Variants in CARF observed in about 807,000 individuals in gnomAD.
CARF encodes the protein calcium responsive transcription factor.
CARF carries 57 observed loss-of-function variants against 82.0 expected under a neutral mutation model. That is an observed-to-expected ratio of 0.70 (90% CI 0.56 to 0.87). CARF has a LOEUF of 0.87. CARF is among the 40% of genes least tolerant of loss of function. The pLI is 0.00. For synonymous variants in CARF, 268 were observed against 290.1 expected, an observed-to-expected ratio of 0.92 and a Z score of 0.77; for missense variants, 771 against 855.8, an observed-to-expected ratio of 0.90 and a Z score of 1.24.
chr2:202,977,436 C>T, intron 14 of CARF, 104 bp downstream of exon 14: 1 of 847,070 alleles, frequency 1.2e-6, no homozygotes, highest in East Asian at 2.5e-5. Context: ...ATAAGGAAAC[C>T]AGGATCCAAA....
rs2059310972 is a variant in CARF, at chr2:202,961,314, AAC to A, written c.724_725del (p.Gln242GlufsTer28). 1.2e-5 allele frequency: 20 copies of A among 1,614,244 alleles called. No homozygotes were observed. Among genetic ancestry groups the A allele is most frequent in the Non-Finnish European group, 1.7e-5 (20 of 1,180,046 alleles). ...ESVLTFHKQQTQSVWGTRQSP... is the reference protein window; with the variant it reads ...ESVLTFHKQQXQSVWGTRQSP... ...GTGTCCTAACATTTCACAAGCAGCAAACACAGAGTGTTTGGGGGACCCGTCAG... is the reference window on the plus strand; with the variant it reads ...GTGTCCTAACATTTCACAAGCAGCAAACAGAGTGTTTGGGGGACCCGTCAG... On this transcript the variant is annotated frameshift_variant, in exon 9 of 17. Transcript: ENST00000438828. LOFTEE classifies it high-confidence loss of function.
At chr2:202,942,993 T>C in intron 5 of CARF, 26 bp downstream of exon 5, 2 of 1,568,784 alleles carry the variant, frequency 1.3e-6, no homozygotes, top group South Asian at 2.2e-5. Context: ...AAGTAACCAG[T>C]TTTATGCCGT....
chr2:202,952,729 A>G, intron 6 of CARF, 50 bp downstream of exon 6: 1 of 1,547,848 alleles, frequency 6.5e-7, no homozygotes, highest in Admixed American at 1.8e-5. Flanking sequence ...AAAAACATAA[A>G]TATTTTAGAA....
intron 16 of CARF, 91 bp from the exon 17 acceptor site, chr2:202,983,412 CAGA>C (rs758772051): frequency 2.4e-4 from 196 of 800,830 alleles, no homozygotes; most frequent in South Asian, 6.0e-4. Flanking sequence ...AAAGTTTTCA[CAGA>C]AGTTATTTTT....
chr2:202,970,153 ATTTCAT>A (rs2059728096), intron 11 of CARF, 91 bp downstream of exon 11: 2 of 1,202,170 alleles, frequency 1.7e-6, no homozygotes, highest in Admixed American at 5.9e-5. Flanking sequence ...TTTTCCAACT[ATTTCAT>A]TAAGTAACGG....
At chr2:202,968,141 C>G (rs914959228) in intron 10 of CARF, among the ~76,000 whole-genome samples, 5 of 152,116 alleles carry the variant, frequency 3.3e-5, no homozygotes, top group Non-Finnish European at 7.4e-5. Context: ...TGGTGGCTAA[C>G]GCCTGTAATC....
In CARF at chr2:202,986,426, G is replaced by C. The variant is rs2060429447; in HGVS notation, c.*2802G>C. 6.6e-6 allele frequency: 1 copy of C among 152,058 alleles called. No individual in the cohort carries two copies. The highest frequency in any genetic ancestry group is 6.6e-5 in the Admixed American group (1 of 15,266). 9.4% of individuals were successfully genotyped at this position (152,058 alleles called of 1,614,324 possible). On this transcript the variant is annotated 3_prime_UTR_variant, in exon 17 of 17. Transcript: ENST00000438828. Reference sequence around the variant, plus strand: ...TTGTGTGTGTCATGTATTGTAAGTTGTAATATCTGTAGGAGTGAGTTGGAC... The same window carrying C: ...TTGTGTGTGTCATGTATTGTAAGTTCTAATATCTGTAGGAGTGAGTTGGAC...
chr2:202,919,526 A>C (rs1175015043), intron 2 of CARF, among the ~76,000 whole-genome samples: 1 of 152,148 alleles, frequency 6.6e-6, no homozygotes, highest in Admixed American at 6.5e-5. Flanking sequence ...AGTGACTACA[A>C]TGCCTGCATA....
At chr2:202,921,860 C>A (rs1031297719) in intron 2 of CARF, among the ~76,000 whole-genome samples, 15 of 151,808 alleles carry the variant, frequency 9.9e-5, no homozygotes, top group Admixed American at 2.0e-4. Flanking sequence ...GGGTCTCACT[C>A]TGTCACCCAG....
At position 202,954,004 on chromosome 2, in the gene CARF, G is replaced by T. The variant is rs752802709; in HGVS notation, c.428-1G>T. The T allele has an allele frequency of 1.3e-6, 2 of 1,599,376 alleles. No individual in the cohort carries two copies. The highest frequency in any genetic ancestry group is 1.1e-5 in the South Asian group (1 of 87,950). On this transcript the variant is annotated splice_acceptor_variant, in intron 6 of 16. Coordinates refer to ENST00000438828, the MANE Select transcript of CARF (RefSeq NM_024744.17). LOFTEE classifies it high-confidence loss of function. ...ACTTTGTTCTTGTTTTTGTTGTTAA[G>T]ATGTCCCTGAAGAGAAACCCAGTAA...
rs528671169 is a variant in CARF at position 202,957,694 on chromosome 2, C to T, written c.642+1936C>T. On this transcript the variant is annotated intron_variant, in intron 8 of 16. Transcript: ENST00000438828. Reference sequence around the variant, plus strand: ...CTTAGGCCGGGTGCGGTGGCTCACTCCTCTAATTTTAGCACTTTGGGAAGC... The same window carrying T: ...CTTAGGCCGGGTGCGGTGGCTCACTTCTCTAATTTTAGCACTTTGGGAAGC... Among the ~76,000 whole-genome samples, 98 of 152,116 alleles carry T rather than the reference C, an allele frequency of 6.4e-4. 1 individual carries two copies. The highest frequency in any genetic ancestry group is 2.3e-3 in the African/African-American group (96 of 41,490).
intron 8 of CARF, among the ~76,000 whole-genome samples, chr2:202,956,627 A>G (rs1021863971): frequency 6.6e-6 from 1 of 152,124 alleles, no homozygotes; most frequent in East Asian, 1.9e-4. Flanking sequence ...TTCACCTCAA[A>G]TTCACCATAT....
chr2:202,985,190 A>G lies in CARF; in HGVS notation c.*1566A>G, dbSNP rs2105955384. The G allele has an allele frequency of 1.3e-5, 2 of 152,250 alleles. No homozygotes were observed. The highest frequency in any genetic ancestry group is 4.8e-5 in the African/African-American group (2 of 41,574). The allele number at this position is 152,250 out of a possible 1,614,324, so 9.4% of individuals were successfully genotyped here. On this transcript the variant is annotated 3_prime_UTR_variant, in exon 17 of 17. Coordinates refer to ENST00000438828, the MANE Select transcript of CARF (RefSeq NM_024744.17). Reference sequence around the variant, plus strand: ...TTAAAAATAAAGATTTTAAATGGATATCAATGTTTAATATTCAAAACATGC... The same window carrying G: ...TTAAAAATAAAGATTTTAAATGGATGTCAATGTTTAATATTCAAAACATGC...
chr2:202,976,295 C>T (rs960973457), intron 13 of CARF, among the ~76,000 whole-genome samples: 3 of 151,948 alleles, frequency 2.0e-5, no homozygotes, highest in African/African-American at 7.3e-5. Context: ...CTGCCTCAGC[C>T]TCCCAAGTAG....
intron 14 of CARF, among the ~76,000 whole-genome samples, chr2:202,978,413 T>C (rs2060119463): frequency 6.6e-6 from 1 of 151,916 alleles, no homozygotes; most frequent in African/African-American, 2.4e-5. Flanking sequence ...GCAAATGGGG[T>C]TGAGGGAACG....
At chr2:202,942,266 C>A (rs1292876249) in intron 4 of CARF, among the ~76,000 whole-genome samples, 2 of 151,670 alleles carry the variant, frequency 1.3e-5, no homozygotes, top group African/African-American at 4.8e-5. Context: ...CCCAGCTACT[C>A]AGGAGGCTGA....
chr2:202,913,786 A>C (rs1053004941), intron 1 of CARF, among the ~76,000 whole-genome samples: 15 of 152,220 alleles, frequency 9.9e-5, no homozygotes, highest in Admixed American at 8.5e-4. Flanking sequence ...AGGTTAATAC[A>C]TTTTTATCAT....
chr2:202,958,247 A>ATG (rs1225523942), intron 8 of CARF, among the ~76,000 whole-genome samples: 59 of 26,522 alleles, frequency 2.2e-3, no homozygotes, highest in African/African-American at 4.9e-3. Context: ...GTATATACAT[A>ATG]TATGTGTGTG....
rs117721903 is a variant in CARF, at chr2:202,928,591, A to G, written c.-44+4176A>G. On this transcript the variant is annotated intron_variant, in intron 3 of 16. Transcript: ENST00000438828. Reference sequence around the variant, plus strand: ...CTGTACTAATTTACACCAACAGTGTATGAGTTCCCTTTTCTCCAAATCCTT... The same window carrying G: ...CTGTACTAATTTACACCAACAGTGTGTGAGTTCCCTTTTCTCCAAATCCTT... Among the ~76,000 whole-genome samples the G allele has an allele frequency of 1.4e-3, 215 of 152,276 alleles. 7 individuals carry two copies. The East Asian group carries it at 0.038, about 27-fold the overall frequency.
Sources: gnomAD v4.1 joint callset for allele counts (sites outside exome capture counted in the v4.1 genomes callset) on GRCh38, gnomAD v4.1.1 for gene constraint, MANE v1.5 for transcripts, NCBI Gene and HGNC (gene_info 2026-07-23, HGNC 2026-07-21) for gene names.